Variants in SLC41A3 observed in about 807,000 individuals in gnomAD.
SLC41A3 encodes the protein SLC41A1-like 2.
SLC41A3 carries 44 observed loss-of-function variants against 45.4 expected under a neutral mutation model. The ratio of observed to expected loss-of-function variants is 0.97; its 90% CI spans 0.76 to 1.25. The LOEUF is 1.25. SLC41A3 is among the 50% of genes most tolerant of loss of function. The pLI, the probability that SLC41A3 is intolerant of heterozygous loss-of-function variation, is 0.00. For synonymous variants in SLC41A3, 256 were observed against 252.4 expected (o/e 1.01, Z -0.13); for missense variants, 550 against 600.6 (o/e 0.92, Z 0.88).
At chr3:126,066,856 C>A (rs1944370726) in intron 2 of SLC41A3, among the ~76,000 whole-genome samples, 1 of 152,164 alleles carries the variant, frequency 6.6e-6, no homozygotes, top group Non-Finnish European at 1.5e-5. Flanking sequence ...CTTTGATCAT[C>A]TGTAGGACTG....
chr3:126,092,123 C>T (rs1945499771), intron 1 of SLC41A3, among the ~76,000 whole-genome samples: 1 of 152,182 alleles, frequency 6.6e-6, no homozygotes, highest in African/African-American at 2.4e-5. Flanking sequence ...CAAAACCTGG[C>T]CATAAACTGG....
intron 1 of SLC41A3, chr3:126,073,316 A>G (rs1944716659): frequency 6.6e-6 from 1 of 152,258 alleles, no homozygotes; most frequent in African/African-American, 2.4e-5. Context: ...GTGTACCTGT[A>G]GTCCCAGCTA....
At chr3:126,051,354 A>C (rs1943325068) in intron 2 of SLC41A3, among the ~76,000 whole-genome samples, 1 of 152,204 alleles carries the variant, frequency 6.6e-6, no homozygotes, top group South Asian at 2.1e-4. Flanking sequence ...AGGCATGCAC[A>C]GGTCCCGGAT....
chr3:126,099,615 G>A (rs1003991390), intron 1 of SLC41A3, among the ~76,000 whole-genome samples: 2 of 152,274 alleles, frequency 1.3e-5, no homozygotes, highest in Admixed American at 6.5e-5. Flanking sequence ...CAGGAGAATC[G>A]CTTGAACCCG....
chr3:126,054,198 A>G (rs1337644734), intron 2 of SLC41A3, among the ~76,000 whole-genome samples: 1 of 152,132 alleles, frequency 6.6e-6, no homozygotes, highest in Non-Finnish European at 1.5e-5. Context: ...CATAAGTCCT[A>G]TGAACCCCAA....
chr3:126,064,213 C>T (rs371433373), intron 2 of SLC41A3, among the ~76,000 whole-genome samples: 1 of 152,062 alleles, frequency 6.6e-6, no homozygotes, highest in East Asian at 1.9e-4. Context: ...ATGTGAGCGG[C>T]GCGTTCCCCT....
chr3:126,050,954 G>T lies in SLC41A3; in HGVS notation c.370C>A (p.Leu124Ile). The T allele has an allele frequency of 6.2e-7, 1 of 1,612,464 alleles. No homozygotes were observed. Among genetic ancestry groups the T allele is most frequent in the Non-Finnish European group, 8.5e-7 (1 of 1,179,316 alleles). ...GNLEMTLASR[L>I]STAANTGQID... ...AGGTGTCCACTTACAGCTGTGGAGA[G>T]TCTGGATGCCAGTGTCATCTCCAGG... The change falls in exon 3 of 11, where the codon CTC (leucine) becomes ATC (isoleucine). Residue 124 changes from leucine to isoleucine, a missense_variant. Coordinates refer to ENST00000360370, the MANE Select transcript of SLC41A3 (RefSeq NM_017836.4).
At chr3:126,028,935 G>A (rs938593468) in intron 4 of SLC41A3, among the ~76,000 whole-genome samples, 1 of 152,208 alleles carries the variant, frequency 6.6e-6, no homozygotes, top group Non-Finnish European at 1.5e-5. Flanking sequence ...CCTTCCTTTG[G>A]CTGATTTCTC....
intron 2 of SLC41A3, chr3:126,056,429 G>A (rs778377349): frequency 1.9e-6 from 3 of 1,614,220 alleles, no homozygotes; most frequent in Non-Finnish European, 2.5e-6. Flanking sequence ...ACCACGACCT[G>A]GCACATGATG....
intron 2 of SLC41A3, among the ~76,000 whole-genome samples, chr3:126,052,676 C>T (rs1392496118): frequency 6.6e-6 from 1 of 152,180 alleles, no homozygotes; most frequent in African/African-American, 2.4e-5. Flanking sequence ...GATAAAGCAC[C>T]TGCTGACAGG....
chr3:126,061,202 T>C lies in SLC41A3; in HGVS notation c.273+6745A>G, dbSNP rs145670041. Reference sequence around the variant, plus strand: ...TGGTCATTCTTACAGGCATGAATTCTTCCCCCATCTTGTTCAGGTCTCACA... The same window carrying C: ...TGGTCATTCTTACAGGCATGAATTCCTCCCCCATCTTGTTCAGGTCTCACA... On this transcript the variant is annotated intron_variant, in intron 2 of 10. Coordinates refer to ENST00000360370, the MANE Select transcript of SLC41A3 (RefSeq NM_017836.4). Among the ~76,000 whole-genome samples the C allele has an allele frequency of 2.0e-4, 31 of 152,352 alleles. No homozygotes were observed. The East Asian group carries it at 6.0e-3, about 29-fold the overall frequency.
intron 2 of SLC41A3, among the ~76,000 whole-genome samples, chr3:126,054,181 C>CCTAACACATAAGTCCTATGA: frequency 6.6e-6 from 1 of 152,274 alleles, no homozygotes; most frequent in South Asian, 2.1e-4. Flanking sequence ...CCTGAGTATA[C>CCTAACACATAAGTCCTATGA]CTAACACATA....
At chr3:126,011,624 T>C (rs1939721439) in intron 9 of SLC41A3, among the ~76,000 whole-genome samples, 1 of 152,202 alleles carries the variant, frequency 6.6e-6, no homozygotes, top group Admixed American at 6.5e-5. Flanking sequence ...AAAAAGTCCA[T>C]ACCAATACAT....
At position 126,026,189 on chromosome 3, in the gene SLC41A3, C is replaced by T. The variant is rs1941325615; in HGVS notation, c.598+146G>A. On this transcript the variant is annotated intron_variant, in intron 5 of 10. Transcript: ENST00000360370. The surrounding 1 kb of genome is among the most constrained non-coding windows in gnomAD (Gnocchi z 4.2). ...ATGAAGACCCAGCTGGCTCGTCCCA[C>T]CCTGCCAGTGAGAACCCTGAGCCCA... 4 of 1,306,630 alleles carry T rather than the reference C, an allele frequency of 3.1e-6. No homozygotes were observed. The highest frequency in any genetic ancestry group is 1.5e-5 in the African/African-American group (1 of 67,150). The allele number at this position is 1,306,630 out of a possible 1,614,324, so 80.9% of individuals were successfully genotyped here.
At chr3:126,059,283 A>AG (rs1491503687) in intron 2 of SLC41A3, among the ~76,000 whole-genome samples, 3 of 131,798 alleles carry the variant, frequency 2.3e-5, no homozygotes, top group Non-Finnish European at 3.4e-5. Context: ...AGAAAGAAAG[A>AG]AAGAAAGAAA....
intron 3 of SLC41A3, among the ~76,000 whole-genome samples, chr3:126,043,113 T>A (rs1445138026): frequency 6.6e-6 from 1 of 151,896 alleles, no homozygotes; most frequent in African/African-American, 2.4e-5. Context: ...AACAAACTAT[T>A]TGAAAGTCAA....
chr3:126,057,045 C>CTGTT lies in SLC41A3; in HGVS notation c.274-5999_274-5996dup, dbSNP rs946748187. 7 of 1,000,374 alleles carry CTGTT rather than the reference C, an allele frequency of 7.0e-6. No individual in the cohort carries two copies. In the African/African-American group the frequency reaches 1.0e-4, roughly 15 times the overall value. The allele number at this position is 1,000,374 out of a possible 1,614,324, so 62.0% of individuals were successfully genotyped here. The stretch of plus-strand genomic sequence containing the variant: ...CCTCGCCCTGTACAAGTGTGCTGGG[C>CTGTT]TGTTCCCCTCCTGGCAGAGGAGGGC... On this transcript the variant is annotated intron_variant, in intron 2 of 10. Transcript: ENST00000360370.
chr3:126,044,666 C>T (rs537115378), intron 3 of SLC41A3, among the ~76,000 whole-genome samples: 27 of 151,958 alleles, frequency 1.8e-4, no homozygotes, highest in African/African-American at 4.1e-4. Context: ...GAGGCCGAGA[C>T]GGGTGGATCA....
At chr3:126,098,697 A>C (rs1039637274) in intron 1 of SLC41A3, among the ~76,000 whole-genome samples, 6 of 152,162 alleles carry the variant, frequency 3.9e-5, no homozygotes, top group African/African-American at 1.2e-4. Context: ...TGACTGTTCC[A>C]ATTTGTCACT....
Sources: gnomAD v4.1 joint callset for allele counts (sites outside exome capture counted in the v4.1 genomes callset) on GRCh38, gnomAD v4.1.1 for gene constraint, Gnocchi (gnomAD v3.1) non-coding constraint, MANE v1.5 for transcripts, NCBI Gene and HGNC (gene_info 2026-07-23, HGNC 2026-07-21) for gene names.